The following WDR49 variants were observed in gnomAD, a reference collection of about 807,000 sequenced individuals.
WDR49 encodes cilia- and flagella-associated protein 337.
Under a neutral mutation model 119.5 loss-of-function variants are expected in WDR49, and 107 were observed. The observed-to-expected ratio is 0.90, with a 90% confidence interval of 0.77 to 1.05. WDR49 has a LOEUF of 1.05. WDR49 is among the 50% of genes least tolerant of loss of function. The pLI is 0.00. For synonymous variants in WDR49, 425 were observed against 418.8 expected (o/e 1.01, Z -0.18); for missense variants, 1,240 against 1,220.5 (o/e 1.02, Z -0.24).
rs1333236636 is a variant in WDR49, at chr3:167,570,991, C to T, written c.1509+4927G>A. Among the ~76,000 whole-genome samples the T allele has an allele frequency of 2.0e-5, 3 of 149,800 alleles. No individual in the cohort carries two copies. The East Asian group carries it at 5.9e-4, about 29-fold the overall frequency. On this transcript the variant is annotated intron_variant, in intron 8 of 18. Transcript: ENST00000682715. The stretch of plus-strand genomic sequence containing the variant: ...GGTGAGCCGAGATAGCACCACTTCA[C>T]TCTAGCTTGGGCGACAGAGAGAGAC...
chr3:167,602,045 A>G (rs981762145), intron 7 of WDR49, 82 bp downstream of exon 7: 1 of 1,442,166 alleles, frequency 6.9e-7, no homozygotes, highest in African/African-American at 1.4e-5. Context: ...ACGATCTCTC[A>G]GAGAAATTCA....
intron 2 of WDR49, among the ~76,000 whole-genome samples, chr3:167,644,292 C>T (rs532176628): frequency 3.7e-4 from 57 of 152,030 alleles, no homozygotes; most frequent in African/African-American, 1.3e-3. Context: ...GAAGACATGC[C>T]AGCATTTTAA....
rs75220465 is a variant in WDR49 at position 167,500,377 on chromosome 3, C to T, written c.2885-78G>A. 8.2e-3 allele frequency: 12,372 copies of T among 1,516,134 alleles called. 811 individuals carry two copies. In the African/African-American group the frequency reaches 0.15, roughly 19 times the overall value. 93.9% of individuals were successfully genotyped at this position (1,516,134 alleles called of 1,614,324 possible). On this transcript the variant is annotated intron_variant, in intron 17 of 18. Transcript: ENST00000682715. ...ATTAACTCCTTGGAAAGAGCCAGCA[C>T]ATTTCCAAGTTAACTTTTATAAATT...
rs372103903 is a variant in WDR49 at position 167,604,423 on chromosome 3, C to T, written c.1004G>A (p.Ser335Asn). Residue 335 changes from serine to asparagine, a missense_variant, in exon 6 of 19, where the codon AGC becomes AAC. Physicochemically the swap from Ser to Asn is conservative, Grantham distance 46. Transcript: ENST00000682715. ...AGCCATCACCACACTATTTGTATTG[C>T]TGGTTGTACTGGAAATGATAGCGTC... is the stretch of plus-strand genomic sequence containing the variant. The part of the protein sequence containing the change: ...SLDAIISSTT[S>N]NTNSVVMAWR... 2.2e-5 allele frequency: 35 copies of T among 1,613,166 alleles called. No individual in the cohort carries two copies. In the South Asian group the frequency reaches 3.7e-4, roughly 17 times the overall value.
At chr3:167,505,178 G>T in intron 17 of WDR49, 129 bp downstream of exon 17, 1 of 1,186,880 alleles carries the variant, frequency 8.4e-7, no homozygotes, top group South Asian at 2.9e-5. Flanking sequence ...GTTAAATGGG[G>T]TTCACAGAAC....
chr3:167,644,561 T>A (rs1480269618), intron 2 of WDR49, among the ~76,000 whole-genome samples: 1 of 152,132 alleles, frequency 6.6e-6, no homozygotes, highest in African/African-American at 2.4e-5. Flanking sequence ...TACCACAATT[T>A]ACTTATCCAT....
intron 5 of WDR49, among the ~76,000 whole-genome samples, chr3:167,615,404 AG>A (rs912027296): frequency 1.3e-5 from 2 of 151,320 alleles, no homozygotes; most frequent in Admixed American, 6.6e-5. Context: ...CTAAAATGCT[AG>A]GATTACAGGC....
rs1714240042 is a variant in WDR49, at chr3:167,576,120, A to C, written c.1307T>G (p.Leu436Arg). ...VLRLWDIQHQ[L>R]SIQRIACSFP... ...AGAACAAGCTATCCTCTGGATGGAC[A>C]GCTGGTGTTGAATATCCCAGAGTCT... Residue 436 changes from leucine to arginine, a missense_variant, in exon 8 of 19, where the codon CTG becomes CGG. Coordinates refer to ENST00000682715, the MANE Select transcript of WDR49 (RefSeq NM_001366157.1). 3 of 1,613,972 alleles carry C rather than the reference A, an allele frequency of 1.9e-6. No homozygotes were observed. Among genetic ancestry groups the C allele is most frequent in the Non-Finnish European group, 2.5e-6 (3 of 1,180,002 alleles).
intron 7 of WDR49, among the ~76,000 whole-genome samples, chr3:167,587,563 G>A (rs1215155286): frequency 6.6e-6 from 1 of 152,012 alleles, no homozygotes; most frequent in Admixed American, 6.5e-5. Flanking sequence ...ACGCCTCACT[G>A]CAGCCTCAGC....
At chr3:167,503,723 T>A (rs1450375782) in intron 17 of WDR49, among the ~76,000 whole-genome samples, 4 of 151,976 alleles carry the variant, frequency 2.6e-5, no homozygotes, top group African/African-American at 7.3e-5. Context: ...CCAGCAGCAG[T>A]GGTGGAGGGC....
At chr3:167,552,075 A>G (rs569220615) in intron 10 of WDR49, among the ~76,000 whole-genome samples, 2 of 152,246 alleles carry the variant, frequency 1.3e-5, no homozygotes, top group East Asian at 3.9e-4. Context: ...GTGAAACAGT[A>G]CGGCTTGTAT....
At chr3:167,540,474 T>C (rs1211258066) in intron 10 of WDR49, among the ~76,000 whole-genome samples, 1 of 151,758 alleles carries the variant, frequency 6.6e-6, no homozygotes, top group Non-Finnish European at 1.5e-5. Flanking sequence ...GGAAGCCCCA[T>C]CCCTAGGGGA....
At chr3:167,499,792 A>G (rs1336439748) in intron 18 of WDR49, among the ~76,000 whole-genome samples, 2 of 152,212 alleles carry the variant, frequency 1.3e-5, no homozygotes, top group Non-Finnish European at 2.9e-5. Flanking sequence ...CAAGATTGCC[A>G]GACACTGTGT....
intron 7 of WDR49, among the ~76,000 whole-genome samples, chr3:167,586,670 A>C (rs1714831562): frequency 6.6e-6 from 1 of 152,218 alleles, no homozygotes; most frequent in African/African-American, 2.4e-5. Flanking sequence ...CCCTGGTGGC[A>C]GAATGCATTG....
intron 15 of WDR49, among the ~76,000 whole-genome samples, chr3:167,523,571 G>A (rs550748612): frequency 4.7e-4 from 72 of 151,816 alleles, no homozygotes; most frequent in Admixed American, 3.3e-3. Flanking sequence ...AACAGTCCCC[G>A]GTGAGTGATG....
At chr3:167,569,196 C>G (rs980844569) in intron 8 of WDR49, among the ~76,000 whole-genome samples, 4 of 152,156 alleles carry the variant, frequency 2.6e-5, no homozygotes, top group African/African-American at 9.7e-5. Flanking sequence ...CCCTCCTTGG[C>G]CTCCCAAAGT....
chr3:167,516,377 G>T (rs1351475736), intron 16 of WDR49, among the ~76,000 whole-genome samples: 5 of 151,576 alleles, frequency 3.3e-5, no homozygotes, highest in Non-Finnish European at 7.4e-5. Flanking sequence ...GCAATAGTTT[G>T]CTGAGAATGA....
upstream of WDR49, among the ~76,000 whole-genome samples, chr3:167,655,893 GTCTCTCTCTCTCTC>G (rs892517817): frequency 2.7e-5 from 4 of 150,772 alleles, no homozygotes; most frequent in South Asian, 2.1e-4. Flanking sequence ...GATAGACACT[GTCTCTCTCTCTCTC>G]TCTATCTCTC....
chr3:167,568,576 T>A (rs1713747379), intron 8 of WDR49, among the ~76,000 whole-genome samples: 1 of 152,202 alleles, frequency 6.6e-6, no homozygotes, highest in African/African-American at 2.4e-5. Flanking sequence ...TCATTTATAT[T>A]GAAATGGCAA....
Sources: allele counts gnomAD v4.1 joint callset (sites outside exome capture counted in the v4.1 genomes callset), GRCh38; gene constraint gnomAD v4.1.1; transcripts MANE v1.5; gene names NCBI Gene and HGNC (gene_info 2026-07-23, HGNC 2026-07-21).